ZNF555: variants seen among roughly 807,000 people sequenced by gnomAD.
The protein encoded by ZNF555 is zinc finger protein 555.
ZNF555 carries 10 observed loss-of-function variants against 14.0 expected under a neutral mutation model. That is an observed-to-expected ratio of 0.72 (90% confidence interval 0.44 to 1.21). The LOEUF (loss-of-function observed/expected upper bound fraction) is 1.21, where lower values mean the gene tolerates loss of function less well. ZNF555 is among the 50% of genes most tolerant of loss of function. The pLI is 0.00. For missense variants in ZNF555, 747 were observed against 762.0 expected (o/e 0.98, Z 0.23); for synonymous variants, 277 against 262.4 (o/e 1.06, Z -0.54).
At chr19:2,841,990 C>T (rs1304296311) in intron 1 of ZNF555, among the ~76,000 whole-genome samples, 1 of 151,992 alleles carries the variant, frequency 6.6e-6, no homozygotes, top group African/African-American at 2.4e-5. Flanking sequence ...GTCCAGGCTC[C>T]CCCGGGACCC....
chr19:2,850,468 G>A (rs2087619207), intron 1 of ZNF555, 119 bp from the exon 2 acceptor site: 1 of 1,416,820 alleles, frequency 7.1e-7, no homozygotes, highest in African/African-American at 1.4e-5. Context: ...TGACAACTGA[G>A]TCACAGGGTA....
intron 1 of ZNF555, among the ~76,000 whole-genome samples, chr19:2,849,985 T>C (rs983432221): frequency 6.6e-6 from 1 of 152,212 alleles, no homozygotes; most frequent in African/African-American, 2.4e-5. Context: ...TACGTTCTCG[T>C]GTCTTTTTCC....
intron 1 of ZNF555, among the ~76,000 whole-genome samples, chr19:2,844,091 CTCTTTTCTT>C (rs2087561605): frequency 1.2e-5 from 1 of 80,698 alleles, no homozygotes; most frequent in African/African-American, 5.2e-5. Flanking sequence ...TTCTCTCTCT[CTCTTTTCTT>C]TTTTTTTTTT....
rs1370984705 is a variant in ZNF555 at position 2,857,647 on chromosome 19, A to G, written c.*3695A>G. ...AAATAGCAAATTTTGTTGTATGTAT[A>G]TTTTAAAGTTAAACAATAAAAATGC... On this transcript the variant is annotated 3_prime_UTR_variant, in exon 4 of 4. Coordinates refer to ENST00000334241, the MANE Select transcript of ZNF555 (RefSeq NM_152791.5). 1 of 152,186 alleles carries G rather than the reference A, an allele frequency of 6.6e-6. No individual in the cohort carries two copies. The highest frequency in any genetic ancestry group is 1.5e-5 in the Non-Finnish European group (1 of 68,042). 9.4% of individuals were successfully genotyped at this position (152,186 alleles called of 1,614,324 possible).
Position 2,850,663 on chromosome 19 carries a change from AC to A in ZNF555, c.82del (p.Leu28SerfsTer5), listed in dbSNP as rs2087621122. ...GCTTTGCTGGATTCTGCTCAGAGGGACCTCTACAGAGATGTGATGCTGGAGA... is the reference window on the plus strand; with the variant it reads ...GCTTTGCTGGATTCTGCTCAGAGGGACTCTACAGAGATGTGATGCTGGAGA... ...EWALLDSAQR[D>X]LYRDVMLETF... On this transcript the variant is annotated frameshift_variant, in exon 2 of 4. Coordinates refer to ENST00000334241, the MANE Select transcript of ZNF555 (RefSeq NM_152791.5). LOFTEE classifies it high-confidence loss of function. 2 of 1,613,690 alleles carry A rather than the reference AC, an allele frequency of 1.2e-6. No homozygotes were observed. The highest frequency in any genetic ancestry group is 1.3e-5 in the African/African-American group (1 of 74,836).
rs116375491 is a variant in ZNF555 at position 2,853,404 on chromosome 19, A to G, written c.1339A>G (p.Thr447Ala). 13 of 1,614,128 alleles carry G rather than the reference A, an allele frequency of 8.1e-6. No homozygotes were observed. The highest frequency in any genetic ancestry group is 1.6e-4 in the Middle Eastern group (1 of 6,062). Reference protein sequence around the residue: ...ISLRKHMRTHTREKPYECKQC... With the variant: ...ISLRKHMRTHAREKPYECKQC... ...TTTACGAAAACATATGAGAACACAT[A>G]CTAGAGAGAAACCCTATGAATGTAA... The change falls in exon 4 of 4, where the codon ACT (threonine) becomes GCT (alanine). Residue 447 changes from threonine to alanine, a missense_variant. Thr to Ala is a moderately conservative substitution (Grantham distance 58). Coordinates refer to ENST00000334241, the MANE Select transcript of ZNF555 (RefSeq NM_152791.5).
intron 1 of ZNF555, among the ~76,000 whole-genome samples, chr19:2,842,012 G>T (rs956224563): frequency 2.6e-5 from 4 of 151,962 alleles, no homozygotes; most frequent in Non-Finnish European, 5.9e-5. Context: ...CCCTGGGGCC[G>T]ACGCCGCGGT....
In ZNF555 at chr19:2,851,487, G is replaced by C. The variant is rs114346119; in HGVS notation, c.150G>C (p.Lys50Asn). The change falls in exon 3 of 4, where the codon AAG becomes AAC. Residue 50 changes from lysine (K) to asparagine (N), a missense_variant. Lys to Asn is a moderately conservative substitution (Grantham distance 94). Coordinates refer to ENST00000334241, the MANE Select transcript of ZNF555 (RefSeq NM_152791.5). ...LASVDDETQFKASGSVSQQDI... is the reference protein window; with the variant it reads ...LASVDDETQFNASGSVSQQDI... ...TTTCAGATGATGAAACTCAATTTAA[G>C]GCCAGTGGGTCAGTTTCTCAGCAGG... is the stretch of plus-strand genomic sequence containing the variant. 2 of 1,583,640 alleles carry C rather than the reference G, an allele frequency of 1.3e-6. No individual in the cohort carries two copies. The highest frequency in any genetic ancestry group is 1.7e-6 in the Non-Finnish European group (2 of 1,170,102).
Position 2,856,306 on chromosome 19 carries a change from T to C in ZNF555, c.*2354T>C, listed in dbSNP as rs1157163807. On this transcript the variant is annotated 3_prime_UTR_variant, in exon 4 of 4. Coordinates refer to ENST00000334241, the MANE Select transcript of ZNF555 (RefSeq NM_152791.5). Reference sequence around the variant, plus strand: ...TGCAACCTTCATCTCCCAGGTTCAGTTGATTCTCCTGCCTCAGCCTCCCGA... The same window carrying C: ...TGCAACCTTCATCTCCCAGGTTCAGCTGATTCTCCTGCCTCAGCCTCCCGA... 1 of 152,054 alleles carries C rather than the reference T, an allele frequency of 6.6e-6. No individual in the cohort carries two copies. Among genetic ancestry groups the C allele is most frequent in the Admixed American group, 6.6e-5 (1 of 15,252 alleles). 9.4% of individuals were successfully genotyped at this position (152,054 alleles called of 1,614,324 possible).
rs1339080482 is a variant in ZNF555 at position 2,858,757 on chromosome 19, A to C, written c.*4805A>C. 3 of 152,390 alleles carry C rather than the reference A, an allele frequency of 2.0e-5. No homozygotes were observed. The highest frequency in any genetic ancestry group is 2.0e-4 in the Admixed American group (3 of 15,284). The allele number at this position is 152,390 out of a possible 1,614,324, so 9.4% of individuals were successfully genotyped here. A position where few individuals can be genotyped will look rare whatever the true frequency, so the allele number is the denominator to read the frequency against. ...TGCTACTGCATAAATCCATAGGCAC[A>C]ATCACACGCCTCACGGTGTCAACAT... On this transcript the variant is annotated 3_prime_UTR_variant, in exon 4 of 4. Coordinates refer to ENST00000334241, the MANE Select transcript of ZNF555 (RefSeq NM_152791.5).
rs572174381 is a variant in ZNF555, at chr19:2,855,662, T to C, written c.*1710T>C. 24 of 152,310 alleles carry C rather than the reference T, an allele frequency of 1.6e-4. No individual in the cohort carries two copies. The South Asian group carries it at 4.1e-3, about 26-fold the overall frequency. The allele number at this position is 152,310 out of a possible 1,614,324, so 9.4% of individuals were successfully genotyped here. A position where few individuals can be genotyped will look rare whatever the true frequency, so the allele number is the denominator to read the frequency against. ...AACAAAGTACAAAAACTGGGTGACA[T>C]AGGAAAACAAACTTTTTGTTTCTCA... On this transcript the variant is annotated 3_prime_UTR_variant, in exon 4 of 4. Transcript: ENST00000334241.
chr19:2,848,442 G>A (rs1338664517), intron 1 of ZNF555, among the ~76,000 whole-genome samples: 3 of 151,346 alleles, frequency 2.0e-5, no homozygotes, highest in East Asian at 1.9e-4. Context: ...GTGAGCCACC[G>A]CACCCAGCCA....
chr19:2,852,379 G>A lies in ZNF555; in HGVS notation c.315-1G>A, dbSNP rs906561753. ...ACCAATAACATGCTTCTCATTTTTA[G>A]TAGAAATCATGGGTTGGAGAGACTC... On this transcript the variant is annotated splice_acceptor_variant, in intron 3 of 3. Coordinates refer to ENST00000334241, the MANE Select transcript of ZNF555 (RefSeq NM_152791.5). LOFTEE classifies it high-confidence loss of function. The A allele has an allele frequency of 5.6e-6, 9 of 1,613,800 alleles. No homozygotes were observed. Among genetic ancestry groups the A allele is most frequent in the Non-Finnish European group, 5.1e-6 (6 of 1,180,014 alleles).
chr19:2,851,647 C>G lies in ZNF555; in HGVS notation c.310C>G (p.Leu104Val), dbSNP rs200888918. The G allele has an allele frequency of 2.2e-5, 35 of 1,574,708 alleles. No homozygotes were observed. The African/African-American group carries it at 3.1e-4, about 14-fold the overall frequency. The change falls in exon 3 of 4, where the codon CTC becomes GTC. Residue 104 changes from leucine (L) to valine (V), a missense_variant. Transcript: ENST00000334241. ...EDQTTNQGRN[L>V]SRNHGLERLC... is the part of the protein sequence containing the mutation. The stretch of plus-strand genomic sequence containing the variant: ...TCAAACCACAAACCAGGGGAGAAAT[C>G]TCAGGTGAGTTGCACTCACAAGAGA...
At chr19:2,841,697 G>C (rs10412693) in intron 1 of ZNF555, 122 bp downstream of exon 1, 18 of 1,211,798 alleles carry the variant, frequency 1.5e-5, no homozygotes, top group South Asian at 2.1e-5. Flanking sequence ...GGCGCAGGAC[G>C]GGAGCCTGGG....
In ZNF555 at chr19:2,849,483, CT is replaced by C. The variant is rs113343627; in HGVS notation, c.4-1087del. Among the ~76,000 whole-genome samples, 337 of 132,058 alleles carry C rather than the reference CT, an allele frequency of 2.6e-3. 1 individual carries two copies. Among genetic ancestry groups the C allele is most frequent in the East Asian group, 3.9e-3 (18 of 4,578 alleles). The allele number at this position is 132,058 out of a possible 152,430, so 86.6% of individuals were successfully genotyped here. A position where few individuals can be genotyped will look rare whatever the true frequency, so the allele number is the denominator to read the frequency against. On this transcript the variant is annotated intron_variant, in intron 1 of 3. Transcript: ENST00000334241. ...TTTATCCTTAAGGTTAGCAATAATA[CT>C]TTTTTTTTTTTTTTTTCTGAGACTG... is the stretch of plus-strand genomic sequence containing the variant.
In ZNF555 at chr19:2,853,269, G is replaced by A. The variant is rs374516727; in HGVS notation, c.1204G>A (p.Gly402Arg). 36 of 1,613,968 alleles carry A rather than the reference G, an allele frequency of 2.2e-5. No individual in the cohort carries two copies. The highest frequency in any genetic ancestry group is 3.3e-4 in the Middle Eastern group (2 of 6,082). ...GAAACCCTATGAATGCAACCAGTGC[G>A]GGAAAGCATTCAGTCACCCCTCCTC... ...GEKPYECNQCGKAFSHPSSFR... is the reference protein window; with the variant it reads ...GEKPYECNQCRKAFSHPSSFR... Residue 402 changes from glycine (G) to arginine (R), a missense_variant, in exon 4 of 4, where the codon GGG (glycine) becomes AGG (arginine). By Grantham distance (125) the Gly-to-Arg change is moderately radical. Transcript: ENST00000334241.
rs889770927 is a variant in ZNF555 at position 2,841,651 on chromosome 19, G to T, written c.3+76G>T. 5.7e-6 allele frequency: 8 copies of T among 1,398,728 alleles called. No individual in the cohort carries two copies. In the African/African-American group the frequency reaches 9.1e-5, roughly 16 times the overall value. The allele number at this position is 1,398,728 out of a possible 1,614,324, so 86.6% of individuals were successfully genotyped here. A position where few individuals can be genotyped will look rare whatever the true frequency, so the allele number is the denominator to read the frequency against. On this transcript the variant is annotated intron_variant, in intron 1 of 3. Coordinates refer to ENST00000334241, the MANE Select transcript of ZNF555 (RefSeq NM_152791.5). ...ACCGCCCGAGACCGCGGCTTGGGGG[G>T]AGCTGAGGGACGCGGGGGGCGGCCC...
Position 2,852,982 on chromosome 19 carries a change from A to G in ZNF555, c.917A>G (p.His306Arg). 2 of 1,614,246 alleles carry G rather than the reference A, an allele frequency of 1.2e-6. No homozygotes were observed. The highest frequency in any genetic ancestry group is 8.5e-7 in the Non-Finnish European group (1 of 1,180,052). The stretch of plus-strand genomic sequence containing the variant: ...ACTTTTCGAAGACATATGATTTCAC[A>G]CACTGGAGAGAAGCCACATAAATGT... ...SSTFRRHMIS[H>R]TGEKPHKCKE... Residue 306 changes from histidine to arginine, a missense_variant, in exon 4 of 4, where the codon CAC becomes CGC. Coordinates refer to ENST00000334241, the MANE Select transcript of ZNF555 (RefSeq NM_152791.5).
Sources: gnomAD v4.1 joint callset for allele counts (sites outside exome capture counted in the v4.1 genomes callset) on GRCh38, gnomAD v4.1.1 for gene constraint, MANE v1.5 for transcripts, NCBI Gene and HGNC (gene_info 2026-07-23, HGNC 2026-07-21) for gene names.